The following OTOGL variants were observed in gnomAD, a reference collection of about 807,000 sequenced individuals.
OTOGL encodes otogelin like, also known as otogelin-like protein.
OTOGL carries 285 observed loss-of-function variants against 318.5 expected under a neutral mutation model. That is an observed-to-expected ratio of 0.89 (90% CI 0.81 to 0.99). The LOEUF is 0.99. Among genes scored for constraint, OTOGL ranks in the 50% least tolerant of loss-of-function variants. The probability of loss-of-function intolerance (pLI) is 0.00; values close to 1 mark genes in which losing one functional copy is unlikely to be tolerated. For missense variants in OTOGL, 2,899 were observed against 2,845.6 expected, an observed-to-expected ratio of 1.02 and a Z score of -0.43; for synonymous variants, 987 against 936.5, an observed-to-expected ratio of 1.05 and a Z score of -0.99.
At chr12:80,156,810 A>T (rs1184196173) in intron 1 of OTOGL, among the ~76,000 whole-genome samples, 1 of 152,106 alleles carries the variant, frequency 6.6e-6, no homozygotes, top group Non-Finnish European at 1.5e-5. Flanking sequence ...AGTCTTGGGT[A>T]TGTCTTTATC....
intron 4 of OTOGL, among the ~76,000 whole-genome samples, chr12:80,216,442 G>C (rs1004124484): frequency 6.6e-6 from 1 of 152,102 alleles, no homozygotes; most frequent in African/African-American, 2.4e-5. Context: ...ACACTCAATT[G>C]GTATGGAGTT....
intron 1 of OTOGL, among the ~76,000 whole-genome samples, chr12:80,110,495 A>G (rs1565863910): frequency 6.6e-6 from 1 of 152,292 alleles, no homozygotes; most frequent in Non-Finnish European, 1.5e-5. Context: ...GAGTGAGAAC[A>G]TGCGGTTTTT....
At chr12:80,129,117 G>A (rs117013915) in intron 1 of OTOGL, among the ~76,000 whole-genome samples, 74 of 152,226 alleles carry the variant, frequency 4.9e-4, no homozygotes, top group Non-Finnish European at 8.2e-4. Flanking sequence ...GAAGTCATTC[G>A]ACTTCTGCGT....
chr12:80,205,575 A>C (rs1231006812), intron 1 of OTOGL, among the ~76,000 whole-genome samples: 1 of 152,196 alleles, frequency 6.6e-6, no homozygotes, highest in Non-Finnish European at 1.5e-5. Flanking sequence ...ACTACAAACT[A>C]TCTTGTAATA....
intron 17 of OTOGL, among the ~76,000 whole-genome samples, chr12:80,257,117 C>T (rs934479341): frequency 3.9e-5 from 6 of 152,104 alleles, no homozygotes; most frequent in Non-Finnish European, 2.9e-5. Flanking sequence ...ATAACACTCT[C>T]ACTCTCAAAA....
chr12:80,300,799 G>A (rs746691430), intron 27 of OTOGL, among the ~76,000 whole-genome samples: 1 of 152,174 alleles, frequency 6.6e-6, no homozygotes, highest in Non-Finnish European at 1.5e-5. Context: ...GGAACACCAA[G>A]CGCACAGGAC....
chr12:80,144,269 T>A (rs1398889297), intron 1 of OTOGL, among the ~76,000 whole-genome samples: 2 of 151,966 alleles, frequency 1.3e-5, no homozygotes, highest in African/African-American at 2.4e-5. Context: ...TGTGATCTCA[T>A]TGTTCAATTC....
intron 1 of OTOGL, among the ~76,000 whole-genome samples, chr12:80,185,595 G>A (rs1294537670): frequency 6.6e-6 from 1 of 152,126 alleles, no homozygotes; most frequent in Non-Finnish European, 1.5e-5. Context: ...GGCCAAATTA[G>A]TGTTAATGTC....
At chr12:80,342,247 G>A in intron 44 of OTOGL, 85 bp downstream of exon 44, 1 of 1,091,814 alleles carries the variant, frequency 9.2e-7, no homozygotes, top group Non-Finnish European at 1.3e-6. Flanking sequence ...TTGCTATAAT[G>A]TTCTTCTACT....
intron 30 of OTOGL, among the ~76,000 whole-genome samples, chr12:80,311,144 G>A (rs911419595): frequency 6.6e-6 from 1 of 152,168 alleles, no homozygotes; most frequent in Non-Finnish European, 1.5e-5. Context: ...AAGATGGAAT[G>A]TACTTATTTA....
chr12:80,203,406 C>A (rs1876593296), intron 1 of OTOGL, among the ~76,000 whole-genome samples: 1 of 151,912 alleles, frequency 6.6e-6, no homozygotes, highest in Non-Finnish European at 1.5e-5. Context: ...ATCTTGAAAT[C>A]CTTAATCATA....
At chr12:80,205,752 C>T (rs976272036) in intron 1 of OTOGL, among the ~76,000 whole-genome samples, 6 of 152,124 alleles carry the variant, frequency 3.9e-5, no homozygotes, top group East Asian at 1.9e-4. Context: ...TGTGATATTA[C>T]GGGAGTCAAA....
intron 55 of OTOGL, 80 bp downstream of exon 55, chr12:80,368,389 C>CCG (rs559707538): frequency 8.2e-5 from 72 of 882,234 alleles, no homozygotes; most frequent in East Asian, 2.8e-4. Flanking sequence ...AATGTCCCCC[C>CCG]CCACACACAC....
At position 80,256,405 on chromosome 12, in the gene OTOGL, C is replaced by T. The variant is rs748190256; in HGVS notation, c.1656C>T (p.Thr552=). 1.1e-5 allele frequency: 17 copies of T among 1,593,128 alleles called. No individual in the cohort carries two copies. In the African/African-American group the frequency reaches 1.5e-4, roughly 14 times the overall value. Residue 552 remains threonine, a synonymous_variant, in exon 17 of 59, where the codon ACC becomes ACT. Coordinates refer to ENST00000547103, the MANE Select transcript of OTOGL (RefSeq NM_001378609.3). ...AGGATGATTTTAACAAACAAGTGACCCTTGGTAGGGGAGGACAAATTCTCA... is the reference window on the plus strand; with the variant it reads ...AGGATGATTTTAACAAACAAGTGACTCTTGGTAGGGGAGGACAAATTCTCA... The part of the protein sequence containing the change: ...ILEDDFNKQV[T]LGRGGQILTS...
At position 80,337,000 on chromosome 12, in the gene OTOGL, G is replaced by A; in HGVS notation, c.4856G>A (p.Arg1619Lys). The change falls in exon 42 of 59, where the codon AGA becomes AAA. Residue 1619 changes from arginine to lysine, a missense_variant. Arg to Lys is a conservative substitution (Grantham distance 26, BLOSUM62 2). This residue lies in a region of OTOGL where 2,607 missense variants were observed against 2,524.9 expected (regional missense o/e 1.03). Coordinates refer to ENST00000547103, the MANE Select transcript of OTOGL (RefSeq NM_001378609.3). Reference sequence around the variant, plus strand: ...AAAATAATTGTCAATCGGTTGGCAAGAAAGGTAAGAATACAAAGTTAAAAT... The same window carrying A: ...AAAATAATTGTCAATCGGTTGGCAAAAAAGGTAAGAATACAAAGTTAAAAT... ...IHKIIVNRLA[R>K]KVEVDSIVVP... 6.4e-7 allele frequency: 1 copy of A among 1,566,994 alleles called. No homozygotes were observed. The highest frequency in any genetic ancestry group is 8.7e-7 in the Non-Finnish European group (1 of 1,151,824).
In OTOGL at chr12:80,369,076, G is replaced by A. The variant is rs571679442; in HGVS notation, c.6615+767G>A. 1.7e-4 allele frequency among the ~76,000 whole-genome samples: 26 copies of A among 151,848 alleles called. 1 individual carries two copies. In the South Asian group the frequency reaches 5.2e-3, roughly 30 times the overall value. On this transcript the variant is annotated intron_variant, in intron 55 of 58. Coordinates refer to ENST00000547103, the MANE Select transcript of OTOGL (RefSeq NM_001378609.3). Reference sequence around the variant, plus strand: ...TTTTATTATGTACAAATCAGTATTTGTTCCTTCACCCTTTCTTTTCAAAAA... The same window carrying A: ...TTTTATTATGTACAAATCAGTATTTATTCCTTCACCCTTTCTTTTCAAAAA...
intron 1 of OTOGL, among the ~76,000 whole-genome samples, chr12:80,144,442 A>G (rs1478421507): frequency 6.7e-6 from 1 of 148,668 alleles, no homozygotes. Flanking sequence ...CATTTTCTTA[A>G]TCCGGTCTAT....
chr12:80,149,643 A>T (rs549347977), intron 1 of OTOGL, among the ~76,000 whole-genome samples: 1 of 152,120 alleles, frequency 6.6e-6, no homozygotes, highest in Non-Finnish European at 1.5e-5. Context: ...AAGCCTGGGC[A>T]ATGGCGGGCG....
At chr12:80,189,159 T>C (rs1313597620) in intron 1 of OTOGL, among the ~76,000 whole-genome samples, 2 of 152,140 alleles carry the variant, frequency 1.3e-5, no homozygotes, top group East Asian at 1.9e-4. Context: ...CTCAGATTAA[T>C]AGAGTTTGGA....
Sources: allele counts gnomAD v4.1 joint callset (sites outside exome capture counted in the v4.1 genomes callset), GRCh38; gene constraint gnomAD v4.1.1; regional missense constraint gnomAD v4.1.1; transcripts MANE v1.5; gene names NCBI Gene and HGNC (gene_info 2026-07-23, HGNC 2026-07-21).